CDC42EP4: variants seen among roughly 807,000 people sequenced by gnomAD.
The protein encoded by CDC42EP4 is CDC42 effector protein 4.
A neutral mutation model predicts 5.6 loss-of-function variants in CDC42EP4; 6 were observed. The ratio of observed to expected loss-of-function variants is 1.07; its 90% confidence interval spans 0.59 to 2.12. CDC42EP4 has a LOEUF of 2.12. CDC42EP4 is among the 30% of genes most tolerant of loss of function. CDC42EP4 has a pLI of 0.00. For missense variants in CDC42EP4, 490 were observed against 508.6 expected, an observed-to-expected ratio of 0.96 and a Z score of 0.35; for synonymous variants, 230 against 224.2, an observed-to-expected ratio of 1.03 and a Z score of -0.23.
At chr17:73,309,358 T>C (rs543627449) in intron 1 of CDC42EP4, among the ~76,000 whole-genome samples, 1 of 152,170 alleles carries the variant, frequency 6.6e-6, no homozygotes, top group East Asian at 1.9e-4. Flanking sequence ...AAAAAATTAA[T>C]AAATAAAATA....
intron 1 of CDC42EP4, among the ~76,000 whole-genome samples, chr17:73,291,063 C>A (rs1029730625): frequency 3.9e-5 from 6 of 152,204 alleles, no homozygotes; most frequent in Admixed American, 1.3e-4. Flanking sequence ...AGCAGGGAAA[C>A]TCAGCTGAAA....
intron 1 of CDC42EP4, among the ~76,000 whole-genome samples, chr17:73,288,368 A>C (rs1335251261): frequency 6.6e-6 from 1 of 150,690 alleles, no homozygotes; most frequent in Non-Finnish European, 1.5e-5. Context: ...CAGTCTCCTG[A>C]GTAGCTGAGA....
intron 1 of CDC42EP4, among the ~76,000 whole-genome samples, chr17:73,301,273 G>A (rs1200810838): frequency 6.6e-6 from 1 of 152,108 alleles, no homozygotes; most frequent in African/African-American, 2.4e-5. Context: ...TATAAATTAT[G>A]TATGGCACTT....
At chr17:73,288,802 C>A (rs1405885830) in intron 1 of CDC42EP4, among the ~76,000 whole-genome samples, 1 of 152,194 alleles carries the variant, frequency 6.6e-6, no homozygotes, top group Non-Finnish European at 1.5e-5. Context: ...TGGCTTCCCC[C>A]ACCAGCAATG....
chr17:73,297,497 AAT>A (rs2062194863), intron 1 of CDC42EP4, among the ~76,000 whole-genome samples: 1 of 152,062 alleles, frequency 6.6e-6, no homozygotes. Flanking sequence ...AAAAATTTAA[AAT>A]AAATAGAAAA....
chr17:73,307,641 G>A (rs2062251017), intron 1 of CDC42EP4, among the ~76,000 whole-genome samples: 1 of 151,570 alleles, frequency 6.6e-6, no homozygotes. Flanking sequence ...GTAGAGACAG[G>A]GTTTCACTGT....
intron 1 of CDC42EP4, among the ~76,000 whole-genome samples, chr17:73,289,365 T>C (rs535941258): frequency 2.4e-4 from 36 of 152,156 alleles, no homozygotes; most frequent in African/African-American, 8.0e-4. Flanking sequence ...AAAGGAGCCA[T>C]AGCAACATGT....
At chr17:73,303,001 GC>G (rs1301175161) in intron 1 of CDC42EP4, among the ~76,000 whole-genome samples, 2 of 129,632 alleles carry the variant, frequency 1.5e-5, no homozygotes, top group Non-Finnish European at 3.2e-5. Flanking sequence ...CCGAGATGGC[GC>G]CACTGCACTC....
intron 1 of CDC42EP4, among the ~76,000 whole-genome samples, chr17:73,302,545 C>T (rs1250333713): frequency 1.3e-5 from 2 of 151,712 alleles, no homozygotes; most frequent in Non-Finnish European, 2.9e-5. Flanking sequence ...GGCACAATTA[C>T]AGCTCATTGT....
chr17:73,301,324 C>T (rs1017226469), intron 1 of CDC42EP4, among the ~76,000 whole-genome samples: 1 of 152,174 alleles, frequency 6.6e-6, no homozygotes, highest in African/African-American at 2.4e-5. Flanking sequence ...TAGACATTTT[C>T]CCCCTTATTA....
intron 1 of CDC42EP4, chr17:73,311,068 G>C (rs962604504): frequency 6.6e-6 from 1 of 152,222 alleles, no homozygotes; most frequent in African/African-American, 2.4e-5. Flanking sequence ...ATCCCGCTGA[G>C]CGCGCTGAGC....
At chr17:73,303,662 CAAA>C (rs542149787) in intron 1 of CDC42EP4, among the ~76,000 whole-genome samples, 8 of 83,892 alleles carry the variant, frequency 9.5e-5, no homozygotes, top group Admixed American at 2.7e-4. Flanking sequence ...ACTCTGTCTC[CAAA>C]AAAAAAAAAA....
chr17:73,308,547 T>A (rs554073974), intron 1 of CDC42EP4, among the ~76,000 whole-genome samples: 1 of 152,302 alleles, frequency 6.6e-6, no homozygotes, highest in South Asian at 2.1e-4. Flanking sequence ...ACTTCTTCAC[T>A]TCGAACCCAA....
At chr17:73,298,783 A>C (rs2062201612) in intron 1 of CDC42EP4, among the ~76,000 whole-genome samples, 1 of 152,192 alleles carries the variant, frequency 6.6e-6, no homozygotes, top group Non-Finnish European at 1.5e-5. Flanking sequence ...CTCATTCAAC[A>C]GTTCTCATTC....
chr17:73,301,727 T>C (rs1039340639), intron 1 of CDC42EP4, among the ~76,000 whole-genome samples: 1 of 146,672 alleles, frequency 6.8e-6, no homozygotes, highest in Non-Finnish European at 1.5e-5. Flanking sequence ...TTTTTTTTTT[T>C]TGAGGCCAAG....
At chr17:73,305,441 C>T (rs1463586653) in intron 1 of CDC42EP4, among the ~76,000 whole-genome samples, 1 of 152,228 alleles carries the variant, frequency 6.6e-6, no homozygotes, top group Non-Finnish European at 1.5e-5. Flanking sequence ...TTTGGTTTCA[C>T]TTTGCCGCTC....
Position 73,297,001 on chromosome 17 carries a change from A to AAAAAAAAAAAAAAAACAC in CDC42EP4, c.-112-10390_-112-10389insGTGTTTTTTTTTTTTTTT, listed in dbSNP as rs547362762. Among the ~76,000 whole-genome samples, 34 of 61,758 alleles carry AAAAAAAAAAAAAAAACAC rather than the reference A, an allele frequency of 5.5e-4. 7 individuals carry two copies. Among genetic ancestry groups the AAAAAAAAAAAAAAAACAC allele is most frequent in the Non-Finnish European group, 6.3e-4 (19 of 30,022 alleles). The allele number at this position is 61,758 out of a possible 152,430, so 40.5% of individuals were successfully genotyped here. ...GTCTCAAAAAAAAAAAAAAAAAAAAAAAATACACAAGGCCAAGCGCCGTGG... is the reference window on the plus strand; with the variant it reads ...GTCTCAAAAAAAAAAAAAAAAAAAAAAAAAAAAAAAAAAAACACAAATACACAAGGCCAAGCGCCGTGG... On this transcript the variant is annotated intron_variant, in intron 1 of 1. Transcript: ENST00000335793.
intron 1 of CDC42EP4, chr17:73,311,322 G>C (rs1483429183): frequency 6.5e-6 from 1 of 152,722 alleles, no homozygotes; most frequent in Non-Finnish European, 1.5e-5. Context: ...TCCCGGCCGG[G>C]TGACATTGGG....
chr17:73,285,865 G>C lies in CDC42EP4; in HGVS notation c.636C>G (p.Asp212Glu). Reference sequence around the variant, plus strand: ...CGTCACCCAGCATGGAGGGCCCCAGGTCGATGTGGAAGGACATGATGGACT... The same window carrying C: ...CGTCACCCAGCATGGAGGGCCCCAGCTCGATGTGGAAGGACATGATGGACT... The part of the protein sequence containing the change: ...HAESIMSFHI[D>E]LGPSMLGDVL... The change falls in exon 2 of 2, where the codon GAC becomes GAG. Residue 212 changes from aspartate to glutamate, a missense_variant. Transcript: ENST00000335793. The surrounding 1 kb of genome is among the most constrained non-coding windows in gnomAD (Gnocchi z 6.8). 1 of 1,614,086 alleles carries C rather than the reference G, an allele frequency of 6.2e-7. No individual in the cohort carries two copies. Among genetic ancestry groups the C allele is most frequent in the Non-Finnish European group, 8.5e-7 (1 of 1,180,032 alleles).
Sources: allele counts gnomAD v4.1 joint callset (sites outside exome capture counted in the v4.1 genomes callset), GRCh38; gene constraint gnomAD v4.1.1; non-coding constraint Gnocchi (gnomAD v3.1); transcripts MANE v1.5; gene names NCBI Gene and HGNC (gene_info 2026-07-23, HGNC 2026-07-21).